The following ADGRE3 variants were observed in gnomAD, a reference collection of about 807,000 sequenced individuals.
ADGRE3 encodes adhesion G protein-coupled receptor E3.
In ADGRE3, 88 loss-of-function variants were observed where a neutral mutation model predicts 80.1. The observed-to-expected ratio is 1.10, with a 90% CI of 0.93 to 1.31. ADGRE3 has a LOEUF of 1.31. Among genes scored for constraint, ADGRE3 ranks in the 40% most tolerant of loss-of-function variants. The probability of loss-of-function intolerance (pLI) is 0.00; values close to 1 mark genes in which losing one functional copy is unlikely to be tolerated. For missense variants in ADGRE3, 715 were observed against 776.5 expected, an observed-to-expected ratio of 0.92 and a Z score of 0.94; for synonymous variants, 281 against 294.8, an observed-to-expected ratio of 0.95 and a Z score of 0.48.
At chr19:14,611,613 C>T in the ADGRE3 span, among the ~76,000 whole-genome samples, 3 of 152,208 alleles carry the variant, frequency 2.0e-5, no homozygotes, top group East Asian at 5.8e-4. Context: ...CCAGGCAGGC[C>T]ATAACCTGGT....
chr19:14,657,399 A>G (rs1220900755), intron 5 of ADGRE3, among the ~76,000 whole-genome samples: 1 of 152,096 alleles, frequency 6.6e-6, no homozygotes, highest in Non-Finnish European at 1.5e-5. Context: ...GCAGTGCAGC[A>G]GGCCTTAATA....
chr19:14,659,915 T>G (rs542570729), intron 4 of ADGRE3, among the ~76,000 whole-genome samples: 2 of 151,904 alleles, frequency 1.3e-5, no homozygotes, highest in South Asian at 4.2e-4. Context: ...TCTGTACTTA[T>G]TCTAAATTTT....
At chr19:14,672,051 T>A (rs1325491745) in intron 1 of ADGRE3, among the ~76,000 whole-genome samples, 1 of 152,166 alleles carries the variant, frequency 6.6e-6, no homozygotes, top group Non-Finnish European at 1.5e-5. Context: ...TCTTCTTTTG[T>A]ATATACATGA....
intron 10 of ADGRE3, among the ~76,000 whole-genome samples, chr19:14,639,696 G>A (rs1300189455): frequency 6.6e-6 from 1 of 152,140 alleles, no homozygotes; most frequent in Non-Finnish European, 1.5e-5. Flanking sequence ...GATTGCAGGT[G>A]TCAGCCACTG....
At chr19:14,600,601 A>G in the ADGRE3 span, among the ~76,000 whole-genome samples, 17 of 146,140 alleles carry the variant, frequency 1.2e-4, no homozygotes, top group African/African-American at 4.4e-4. Flanking sequence ...TTTTTTTTTG[A>G]GATGGAGTCT....
At chr19:14,631,625 G>C (rs1970884462) in intron 13 of ADGRE3, among the ~76,000 whole-genome samples, 1 of 151,286 alleles carries the variant, frequency 6.6e-6, no homozygotes, top group African/African-American at 2.4e-5. Context: ...TATATTATAT[G>C]TGTATGTATA....
chr19:14,618,584 C>T (rs962761065), downstream of ADGRE3, among the ~76,000 whole-genome samples: 7 of 151,134 alleles, frequency 4.6e-5, no homozygotes, highest in Non-Finnish European at 4.4e-5. Context: ...GGGCCGGGCA[C>T]GGTGGCTCAT....
rs1217192329 is a variant in ADGRE3 at position 14,646,693 on chromosome 19, CTCCTTCCT to C, written c.882+480_882+487del. ...CCTCCCTCCCTCCCTCCCTCCCTCC[CTCCTTCCT>C]TCCTTCCTTCCTTCCTTCCTTCCTT... is the stretch of plus-strand genomic sequence containing the variant. On this transcript the variant is annotated intron_variant, in intron 8 of 15. Transcript: ENST00000253673. Among the ~76,000 whole-genome samples, 390 of 66,494 alleles carry C rather than the reference CTCCTTCCT, an allele frequency of 5.9e-3. 2 individuals are homozygous for C. The highest frequency in any genetic ancestry group is 0.024 in the African/African-American group (303 of 12,608). 43.6% of individuals were successfully genotyped at this position (66,494 alleles called of 152,430 possible). A position where few individuals can be genotyped will look rare whatever the true frequency, so the allele number is the denominator to read the frequency against.
intron 15 of ADGRE3, among the ~76,000 whole-genome samples, chr19:14,620,552 A>AT (rs1555753144): frequency 9.3e-5 from 2 of 21,486 alleles, no homozygotes; most frequent in Non-Finnish European, 1.6e-4. Context: ...TATATATTAT[A>AT]TATATATATA....
chr19:14,616,566 G>A (rs2075076269), downstream of ADGRE3, among the ~76,000 whole-genome samples: 2 of 151,764 alleles, frequency 1.3e-5, no homozygotes, highest in Admixed American at 1.3e-4. Flanking sequence ...GCCAAGAGAA[G>A]AGAATGCTTC....
At position 14,665,961 on chromosome 19, in the gene ADGRE3, T is replaced by C. The variant is rs934730264; in HGVS notation, c.77-2421A>G. On this transcript the variant is annotated intron_variant, in intron 2 of 15. Transcript: ENST00000253673. Reference sequence around the variant, plus strand: ...GTATATATATATATATATATATATATATATATATATATATATAGTGTTTTC... The same window carrying C: ...GTATATATATATATATATATATATACATATATATATATATATAGTGTTTTC... Among the ~76,000 whole-genome samples the C allele has an allele frequency of 1.9e-4, 24 of 125,748 alleles. 6 individuals carry two copies. The highest frequency in any genetic ancestry group is 4.0e-4 in the Admixed American group (5 of 12,482). The allele number at this position is 125,748 out of a possible 152,430, so 82.5% of individuals were successfully genotyped here.
chr19:14,651,203 A>G lies in ADGRE3; in HGVS notation c.579T>C (p.Ala193=). Residue 193 remains alanine, a splice_region_variant and synonymous_variant, in exon 7 of 16, where the codon GCT becomes GCC. Coordinates refer to ENST00000253673, the MANE Select transcript of ADGRE3 (RefSeq NM_032571.5). ...KVLKIQNDSV[A]IETQAITDNC... is the part of the protein sequence containing the mutation. ...TGTCTGTAATCGCTTGAGTTTCAAT[A>G]GCTGGTAAGAAAAGCAATGGGCAGG... The G allele has an allele frequency of 6.2e-7, 1 of 1,614,068 alleles. No individual in the cohort carries two copies. The highest frequency in any genetic ancestry group is 1.1e-5 in the South Asian group (1 of 91,088).
At chr19:14,644,828 C>T (rs146954723) in intron 8 of ADGRE3, among the ~76,000 whole-genome samples, 119 of 152,320 alleles carry the variant, frequency 7.8e-4, no homozygotes, top group African/African-American at 2.7e-3. Flanking sequence ...CTGGCTCAAA[C>T]GATCCTCCCA....
At chr19:14,609,042 T>C in the ADGRE3 span, among the ~76,000 whole-genome samples, 109,944 of 151,910 alleles carry the variant, frequency 0.72, 40,259 homozygotes, top group African/African-American at 0.84. Flanking sequence ...TCAGGTGATC[T>C]ACCCGTCTTG....
chr19:14,611,955 G>C, the ADGRE3 span, among the ~76,000 whole-genome samples: 3 of 152,206 alleles, frequency 2.0e-5, no homozygotes, highest in African/African-American at 7.2e-5. Flanking sequence ...AGTGAGCCGA[G>C]ATTGTGCCAC....
intron 4 of ADGRE3, among the ~76,000 whole-genome samples, chr19:14,660,844 A>G (rs544243983): frequency 6.6e-5 from 10 of 151,490 alleles, no homozygotes; most frequent in Admixed American, 4.6e-4. Flanking sequence ...AGAATTTGCA[A>G]TGGGGTCTCA....
Position 14,644,984 on chromosome 19 carries a change from C to T in ADGRE3, c.883-709G>A, listed in dbSNP as rs113214813. Among the ~76,000 whole-genome samples the T allele has an allele frequency of 6.1e-3, 932 of 152,270 alleles. 10 individuals are homozygous for T. The highest frequency in any genetic ancestry group is 0.022 in the African/African-American group (906 of 41,542). ...CAAGCAATCCTCCTGCCTTGGCCTC[C>T]CAAGAGGCTGTGGTTATGGGCATGA... On this transcript the variant is annotated intron_variant, in intron 8 of 15. Coordinates refer to ENST00000253673, the MANE Select transcript of ADGRE3 (RefSeq NM_032571.5).
chr19:14,616,619 C>T (rs115126763), downstream of ADGRE3, among the ~76,000 whole-genome samples: 1,187 of 151,662 alleles, frequency 7.8e-3, 16 homozygotes, highest in African/African-American at 0.028. Flanking sequence ...GTTGACCCAG[C>T]GGTCAAGTTT....
intron 11 of ADGRE3, 147 bp from the exon 12 acceptor site, chr19:14,633,449 G>C: frequency 1.9e-6 from 1 of 534,162 alleles, no homozygotes; most frequent in Non-Finnish European, 3.3e-6. Context: ...GCTCACGCCT[G>C]TAATCCCAGC....
Sources: gnomAD v4.1 joint callset for allele counts (sites outside exome capture counted in the v4.1 genomes callset) on GRCh38, gnomAD v4.1.1 for gene constraint, MANE v1.5 for transcripts, NCBI Gene and HGNC (gene_info 2026-07-23, HGNC 2026-07-21) for gene names.